FHIT: variants seen among roughly 807,000 people sequenced by gnomAD.
FHIT encodes the protein bis(5'-adenosyl)-triphosphatase.
A neutral mutation model predicts 17.9 loss-of-function variants in FHIT; 19 were observed. The ratio of observed to expected loss-of-function variants is 1.06; its 90% CI spans 0.74 to 1.56. The LOEUF (loss-of-function observed/expected upper bound fraction) is 1.56, where lower values mean the gene tolerates loss of function less well. Among genes scored for constraint, FHIT ranks in the 40% most tolerant of loss-of-function variants. The pLI, the probability that FHIT is intolerant of heterozygous loss-of-function variation, is 0.00. For synonymous variants in FHIT, 81 were observed against 69.7 expected (o/e 1.16, Z -0.81); for missense variants, 248 against 189.2 (o/e 1.31, Z -1.82).
chr3:60,909,462 T>C (rs782112935), intron 3 of FHIT, among the ~76,000 whole-genome samples: 59 of 152,116 alleles, frequency 3.9e-4, no homozygotes, highest in Non-Finnish European at 6.0e-4. Flanking sequence ...CATGTTTACA[T>C]TTCTGATATG....
chr3:60,296,950 A>C (rs563799422), intron 5 of FHIT, among the ~76,000 whole-genome samples: 3 of 148,002 alleles, frequency 2.0e-5, no homozygotes, highest in Admixed American at 6.8e-5. Flanking sequence ...ACCAGTGGGC[A>C]TATTTGTGTA....
chr3:59,808,065 C>G (rs535616322), intron 8 of FHIT, among the ~76,000 whole-genome samples: 2 of 151,800 alleles, frequency 1.3e-5, no homozygotes, highest in Admixed American at 1.3e-4. Flanking sequence ...AACCCTGCAC[C>G]CATTAAGTGG....
intron 3 of FHIT, among the ~76,000 whole-genome samples, chr3:61,003,274 T>G (rs2031221020): frequency 6.6e-6 from 1 of 152,192 alleles, no homozygotes; most frequent in Non-Finnish European, 1.5e-5. Flanking sequence ...AGAAAAGCCA[T>G]CTATCTAAAG....
chr3:60,131,762 G>A (rs576085703), intron 5 of FHIT, among the ~76,000 whole-genome samples: 1 of 152,154 alleles, frequency 6.6e-6, no homozygotes, highest in South Asian at 2.1e-4. Flanking sequence ...TGCTGAGACA[G>A]CAGCCTTCTA....
chr3:60,247,559 G>A (rs922523772), intron 5 of FHIT, among the ~76,000 whole-genome samples: 1 of 152,028 alleles, frequency 6.6e-6, no homozygotes, highest in African/African-American at 2.4e-5. Flanking sequence ...TGGCATTCTT[G>A]CTCAAAAACA....
At chr3:60,405,843 A>C (rs1701836128) in intron 5 of FHIT, among the ~76,000 whole-genome samples, 1 of 152,216 alleles carries the variant, frequency 6.6e-6, no homozygotes, top group African/African-American at 2.4e-5. Flanking sequence ...TATGCTTGAG[A>C]AACCCTCAGC....
intron 8 of FHIT, among the ~76,000 whole-genome samples, chr3:59,760,416 G>A (rs1701451133): frequency 6.6e-6 from 1 of 152,140 alleles, no homozygotes; most frequent in Non-Finnish European, 1.5e-5. Context: ...CGGCAAATGA[G>A]ACTTTGCTAG....
intron 3 of FHIT, among the ~76,000 whole-genome samples, chr3:60,851,823 T>C (rs1703165890): frequency 6.6e-6 from 1 of 152,150 alleles, no homozygotes; most frequent in African/African-American, 2.4e-5. Context: ...AAGCCAGTAC[T>C]GAGTCTTTCT....
At chr3:60,477,503 C>T (rs968164111) in intron 5 of FHIT, among the ~76,000 whole-genome samples, 4 of 152,100 alleles carry the variant, frequency 2.6e-5, no homozygotes, top group Non-Finnish European at 5.9e-5. Context: ...TGCCAGGCAT[C>T]ACACTAACCA....
intron 4 of FHIT, among the ~76,000 whole-genome samples, chr3:60,722,517 GGCCTA>G (rs1270734404): frequency 6.6e-6 from 1 of 151,974 alleles, no homozygotes; most frequent in Non-Finnish European, 1.5e-5. Context: ...TAGACACTTT[GGCCTA>G]GGTCATTCTT....
chr3:61,143,275 AG>A (rs2037136869), intron 2 of FHIT, among the ~76,000 whole-genome samples: 1 of 152,208 alleles, frequency 6.6e-6, no homozygotes, highest in Admixed American at 6.5e-5. Flanking sequence ...AGAAAAAAAC[AG>A]TCATGAGTAC....
Position 60,597,103 on chromosome 3 carries a change from G to A in FHIT, c.-17-60124C>T, listed in dbSNP as rs556657857. Among the ~76,000 whole-genome samples, 9 of 152,154 alleles carry A rather than the reference G, an allele frequency of 5.9e-5. No individual in the cohort carries two copies. In the South Asian group the frequency reaches 1.9e-3, roughly 32 times the overall value. On this transcript the variant is annotated intron_variant, in intron 4 of 9. Coordinates refer to ENST00000492590, the MANE Select transcript of FHIT (RefSeq NM_002012.4). ...ACGGAGGCTTGCAGAATTAAAGTAT[G>A]CCTATTTATTCCATAAGAAAATGGG...
At position 61,041,177 on chromosome 3, in the gene FHIT, G is replaced by A. The variant is rs1457733705; in HGVS notation, c.-111+870C>T. 5.3e-5 allele frequency among the ~76,000 whole-genome samples: 8 copies of A among 152,020 alleles called. No homozygotes were observed. The East Asian group carries it at 9.7e-4, about 18-fold the overall frequency. ...AGGCAGATCACGAGGTCAAGAGATC[G>A]ACCCCATCCTGGCCAACATGCGGAA... On this transcript the variant is annotated intron_variant, in intron 3 of 9. Coordinates refer to ENST00000492590, the MANE Select transcript of FHIT (RefSeq NM_002012.4).
intron 3 of FHIT, among the ~76,000 whole-genome samples, chr3:60,922,082 G>C (rs1157246838): frequency 1.3e-5 from 2 of 152,276 alleles, no homozygotes; most frequent in South Asian, 2.1e-4. Context: ...CCTTAAAAGA[G>C]AGTCTAGAAA....
intron 4 of FHIT, among the ~76,000 whole-genome samples, chr3:60,749,425 A>G (rs895764058): frequency 2.0e-5 from 3 of 152,146 alleles, no homozygotes; most frequent in Non-Finnish European, 4.4e-5. Context: ...ACAACTCTCC[A>G]GCTCCAAAGG....
intron 4 of FHIT, among the ~76,000 whole-genome samples, chr3:60,564,408 G>C (rs948160507): frequency 1.3e-5 from 2 of 152,136 alleles, no homozygotes; most frequent in Non-Finnish European, 2.9e-5. Context: ...GATCAAGGAG[G>C]AATTCTGACT....
intron 5 of FHIT, among the ~76,000 whole-genome samples, chr3:60,364,003 G>A (rs987041540): frequency 2.0e-5 from 3 of 152,044 alleles, no homozygotes; most frequent in South Asian, 4.1e-4. Context: ...CAGCTCTGCC[G>A]TTACTCATCC....
chr3:60,210,748 G>A (rs1703412785), intron 5 of FHIT, among the ~76,000 whole-genome samples: 2 of 152,088 alleles, frequency 1.3e-5, no homozygotes, highest in South Asian at 4.1e-4. Flanking sequence ...CAACAATATA[G>A]TATGTTGGCC....
chr3:60,294,279 C>T (rs6797140), intron 5 of FHIT, among the ~76,000 whole-genome samples: 93,314 of 152,010 alleles, frequency 0.61, 30,346 homozygotes, highest in East Asian at 0.97. Context: ...CATGTCCAAG[C>T]GTACTTCTGA....
Sources: allele counts gnomAD v4.1 joint callset (sites outside exome capture counted in the v4.1 genomes callset), GRCh38; gene constraint gnomAD v4.1.1; transcripts MANE v1.5; gene names NCBI Gene and HGNC (gene_info 2026-07-23, HGNC 2026-07-21).